ERBB4: variants seen among roughly 807,000 people sequenced by gnomAD.
ERBB4 encodes erb-b2 receptor tyrosine kinase 4.
Under a neutral mutation model 158.0 loss-of-function variants are expected in ERBB4, and 42 were observed. That is an observed-to-expected ratio of 0.27 (90% CI 0.21 to 0.34). The LOEUF (loss-of-function observed/expected upper bound fraction) is 0.34, where lower values mean the gene tolerates loss of function less well. Among genes scored for constraint, ERBB4 ranks in the 10% least tolerant of loss-of-function variants. The pLI, the probability that ERBB4 is intolerant of heterozygous loss-of-function variation, is 1.00. For missense variants in ERBB4, 1,333 were observed against 1,624.1 expected, an observed-to-expected ratio of 0.82 and a Z score of 3.08; for synonymous variants, 583 against 558.7, an observed-to-expected ratio of 1.04 and a Z score of -0.61.
At chr2:212,027,398 A>G (rs1411292198) in intron 2 of ERBB4, among the ~76,000 whole-genome samples, 1 of 152,004 alleles carries the variant, frequency 6.6e-6, no homozygotes, top group East Asian at 1.9e-4. Flanking sequence ...ATAGAATTGG[A>G]GAGTTTAGAC....
chr2:211,872,430 T>C (rs907528757), intron 3 of ERBB4, among the ~76,000 whole-genome samples: 1 of 152,198 alleles, frequency 6.6e-6, no homozygotes, highest in Non-Finnish European at 1.5e-5. Flanking sequence ...TTCTTTTCAA[T>C]TTTTCTTGAG....
intron 14 of ERBB4, among the ~76,000 whole-genome samples, chr2:211,668,360 T>C (rs2071707502): frequency 6.6e-6 from 1 of 152,178 alleles, no homozygotes; most frequent in Non-Finnish European, 1.5e-5. Context: ...CCCATCTCAT[T>C]TCCATAATAA....
chr2:211,539,016 G>C (rs1321624890), intron 20 of ERBB4, among the ~76,000 whole-genome samples: 1 of 151,826 alleles, frequency 6.6e-6, no homozygotes, highest in Non-Finnish European at 1.5e-5. Flanking sequence ...ATTTATCATA[G>C]TACTAACTCC....
chr2:211,624,699 A>G (rs535415590), intron 17 of ERBB4, among the ~76,000 whole-genome samples: 3 of 152,316 alleles, frequency 2.0e-5, no homozygotes, highest in South Asian at 4.1e-4. Context: ...GCATCAAACA[A>G]CTACTGGGGA....
intron 20 of ERBB4, among the ~76,000 whole-genome samples, chr2:211,483,922 GAAAGAAAA>G: frequency 6.6e-6 from 1 of 151,938 alleles, no homozygotes; most frequent in Non-Finnish European, 1.5e-5. Context: ...TTAAAGTATG[GAAAGAAAA>G]AAATAATCTG....
At chr2:211,538,519 G>C (rs149645859) in intron 20 of ERBB4, among the ~76,000 whole-genome samples, 62 of 151,812 alleles carry the variant, frequency 4.1e-4, no homozygotes, top group Non-Finnish European at 7.7e-4. Flanking sequence ...AAATTCCTCA[G>C]AAAAGAATCA....
Position 212,038,471 on chromosome 2 carries a change from T to C in ERBB4, c.234+86281A>G, listed in dbSNP as rs193181416. On this transcript the variant is annotated intron_variant, in intron 2 of 27. Coordinates refer to ENST00000342788, the MANE Select transcript of ERBB4 (RefSeq NM_005235.3). The stretch of plus-strand genomic sequence containing the variant: ...AGTCCCCATGGTTACCAGCAAAGTG[T>C]GTGACTGAAACAAAGAGGACGGCTG... Among the ~76,000 whole-genome samples, 127 of 152,276 alleles carry C rather than the reference T, an allele frequency of 8.3e-4. 1 individual carries two copies. Among genetic ancestry groups the C allele is most frequent in the African/African-American group, 2.9e-3 (121 of 41,572 alleles).
intron 14 of ERBB4, 121 bp downstream of exon 14, chr2:211,673,043 C>T: frequency 2.5e-6 from 2 of 809,068 alleles, no homozygotes; most frequent in Non-Finnish European, 4.3e-6. Context: ...GGCAGATAAA[C>T]ATGTTTCCCC....
At chr2:212,246,117 C>A (rs2084299188) in intron 1 of ERBB4, among the ~76,000 whole-genome samples, 1 of 152,078 alleles carries the variant, frequency 6.6e-6, no homozygotes, top group Admixed American at 6.5e-5. Context: ...GATTAACTGA[C>A]CTCTCTGGGT....
rs571147530 is a variant in ERBB4, at chr2:211,563,600, T to A, written c.2302-1512A>T. ...CTTGGGATAATTGAGGAAATCTAAA[T>A]AGGGACTATATATCATGTACTATTA... On this transcript the variant is annotated intron_variant, in intron 19 of 27. Transcript: ENST00000342788. 3.3e-5 allele frequency among the ~76,000 whole-genome samples: 5 copies of A among 152,310 alleles called. No homozygotes were observed. The East Asian group carries it at 9.6e-4, about 29-fold the overall frequency.
chr2:211,945,518 C>G (rs1332595388), intron 3 of ERBB4, among the ~76,000 whole-genome samples: 2 of 152,056 alleles, frequency 1.3e-5, no homozygotes, highest in African/African-American at 4.8e-5. Flanking sequence ...AACTCATTCT[C>G]TTAATCACTT....
intron 20 of ERBB4, among the ~76,000 whole-genome samples, chr2:211,482,863 C>G (rs2125551805): frequency 6.6e-6 from 1 of 152,158 alleles, no homozygotes; most frequent in East Asian, 1.9e-4. Flanking sequence ...CAAGATCGCA[C>G]TATTGCACTC....
chr2:212,274,711 A>G (rs1017963427), intron 1 of ERBB4, among the ~76,000 whole-genome samples: 2 of 151,844 alleles, frequency 1.3e-5, no homozygotes, highest in Non-Finnish European at 2.9e-5. Context: ...TTTTATGGCC[A>G]TAAATGAGAA....
At chr2:211,697,537 T>C (rs922211142) in intron 12 of ERBB4, among the ~76,000 whole-genome samples, 1 of 152,032 alleles carries the variant, frequency 6.6e-6, no homozygotes, top group Non-Finnish European at 1.5e-5. Flanking sequence ...AAGAACAAAA[T>C]TTAATGAATT....
chr2:212,298,351 T>C (rs2086493721), intron 1 of ERBB4, among the ~76,000 whole-genome samples: 1 of 151,844 alleles, frequency 6.6e-6, no homozygotes, highest in African/African-American at 2.4e-5. Context: ...ATTCAGAAGA[T>C]AAAAATTGCA....
chr2:212,337,519 T>C (rs899953655), intron 1 of ERBB4, among the ~76,000 whole-genome samples: 1 of 152,096 alleles, frequency 6.6e-6, no homozygotes, highest in African/African-American at 2.4e-5. Context: ...CCCATCTCTA[T>C]TACAATGTCG....
intron 19 of ERBB4, among the ~76,000 whole-genome samples, chr2:211,573,931 C>G (rs1290651090): frequency 6.6e-6 from 1 of 151,990 alleles, no homozygotes; most frequent in Non-Finnish European, 1.5e-5. Flanking sequence ...TTTGGATAAG[C>G]TATAGTAGTC....
At chr2:211,528,913 T>A in intron 20 of ERBB4, among the ~76,000 whole-genome samples, 2 of 150,772 alleles carry the variant, frequency 1.3e-5, no homozygotes, top group African/African-American at 2.4e-5. Context: ...AGGCAAAACT[T>A]CAAGAAAATA....
intron 3 of ERBB4, among the ~76,000 whole-genome samples, chr2:211,823,629 A>G (rs566177903): frequency 4.6e-5 from 7 of 152,130 alleles, no homozygotes; most frequent in Non-Finnish European, 1.0e-4. Flanking sequence ...TATCTTCCTT[A>G]TGCTATTGTG....
Sources: gnomAD v4.1 joint callset for allele counts (sites outside exome capture counted in the v4.1 genomes callset) on GRCh38, gnomAD v4.1.1 for gene constraint, MANE v1.5 for transcripts, NCBI Gene and HGNC (gene_info 2026-07-23, HGNC 2026-07-21) for gene names.